Variants in NRG1 observed in about 807,000 individuals in gnomAD.
NRG1 encodes the protein pro-neuregulin-1, membrane-bound isoform.
Under a neutral mutation model 63.8 loss-of-function variants are expected in NRG1, and 18 were observed. That is an observed-to-expected ratio of 0.28 (90% confidence interval 0.19 to 0.42). The LOEUF (loss-of-function observed/expected upper bound fraction) is 0.42. Ranked by LOEUF, NRG1 falls within the 10% of genes least tolerant of loss-of-function variation. The pLI is 1.00. For missense variants in NRG1, 762 were observed against 814.7 expected (o/e 0.94, Z 0.79); for synonymous variants, 302 against 301.3 (o/e 1.00, Z -0.02).
chr8:32,357,369 C>T (rs868065023), intron 1 of NRG1, among the ~76,000 whole-genome samples: 1 of 152,260 alleles, frequency 6.6e-6, no homozygotes, highest in South Asian at 2.1e-4. Context: ...GAGAAGATAA[C>T]GTTAGCAGAC....
intron 1 of NRG1, among the ~76,000 whole-genome samples, chr8:32,275,766 T>G (rs1186872561): frequency 6.6e-6 from 1 of 151,912 alleles, no homozygotes; most frequent in Non-Finnish European, 1.5e-5. Context: ...TTAGAAGATC[T>G]GCGGCAGGCC....
At chr8:32,017,916 C>T (rs900483953) in intron 1 of NRG1, among the ~76,000 whole-genome samples, 3 of 152,256 alleles carry the variant, frequency 2.0e-5, no homozygotes, top group African/African-American at 7.2e-5. Context: ...AGCCTGTCTC[C>T]CATCCCTGGA....
chr8:32,029,879 A>G (rs1397620689), intron 1 of NRG1, among the ~76,000 whole-genome samples: 1 of 152,026 alleles, frequency 6.6e-6, no homozygotes, highest in Non-Finnish European at 1.5e-5. Flanking sequence ...TAAAATTCTG[A>G]TATAATCTAA....
intron 1 of NRG1, among the ~76,000 whole-genome samples, chr8:32,578,435 C>T (rs532044207): frequency 2.0e-5 from 3 of 151,796 alleles, no homozygotes; most frequent in East Asian, 1.9e-4. Flanking sequence ...CATTAACACA[C>T]GCTGGCAGAA....
intron 1 of NRG1, among the ~76,000 whole-genome samples, chr8:32,270,029 C>T (rs555176073): frequency 7.9e-5 from 12 of 152,240 alleles, no homozygotes; most frequent in South Asian, 2.1e-4. Context: ...AATACCTACA[C>T]GTAACCATCC....
At chr8:32,341,229 T>A (rs1804035781) in intron 1 of NRG1, among the ~76,000 whole-genome samples, 1 of 152,210 alleles carries the variant, frequency 6.6e-6, no homozygotes, top group Non-Finnish European at 1.5e-5. Context: ...TCTCTTATAA[T>A]GAGTCATGTT....
At chr8:31,766,314 A>T (rs781181145) in intron 1 of NRG1, among the ~76,000 whole-genome samples, 3 of 152,190 alleles carry the variant, frequency 2.0e-5, no homozygotes, top group Non-Finnish European at 4.4e-5. Context: ...TGTCGTAGAT[A>T]AGTGTCTTCA....
At chr8:32,092,327 T>C (rs1262605237) in intron 1 of NRG1, among the ~76,000 whole-genome samples, 1 of 151,580 alleles carries the variant, frequency 6.6e-6, no homozygotes, top group Non-Finnish European at 1.5e-5. Context: ...CCTGGTGGTG[T>C]GTGCTTGTAG....
intron 1 of NRG1, among the ~76,000 whole-genome samples, chr8:31,791,821 G>A (rs913387663): frequency 6.6e-6 from 1 of 152,142 alleles, no homozygotes. Flanking sequence ...AATACAGTGG[G>A]AGATGAAGAA....
chr8:31,788,870 A>T (rs1423838163), intron 1 of NRG1, among the ~76,000 whole-genome samples: 1 of 152,222 alleles, frequency 6.6e-6, no homozygotes, highest in African/African-American at 2.4e-5. Flanking sequence ...TAGCACAGAC[A>T]ATCTGTCTCT....
intron 5 of NRG1, among the ~76,000 whole-genome samples, chr8:32,670,131 T>C (rs1431622198): frequency 6.6e-6 from 1 of 152,202 alleles, no homozygotes; most frequent in Non-Finnish European, 1.5e-5. Flanking sequence ...TCACTTTTAA[T>C]TAAAACATAT....
At chr8:31,940,180 C>T (rs73582434) in intron 1 of NRG1, among the ~76,000 whole-genome samples, 5,425 of 152,102 alleles carry the variant, frequency 0.036, 351 homozygotes, top group African/African-American at 0.12. Flanking sequence ...AATTTAAGAA[C>T]ATTGAAATTA....
intron 1 of NRG1, among the ~76,000 whole-genome samples, chr8:32,413,403 G>A (rs1013854021): frequency 2.0e-5 from 3 of 152,086 alleles, no homozygotes; most frequent in African/African-American, 7.2e-5. Flanking sequence ...CTGTATGCTC[G>A]ATGAGACCCT....
At chr8:31,733,973 C>T (rs1448288118) in intron 1 of NRG1, among the ~76,000 whole-genome samples, 1 of 152,146 alleles carries the variant, frequency 6.6e-6, no homozygotes, top group Non-Finnish European at 1.5e-5. Flanking sequence ...TTACACAATG[C>T]TACTCTAATA....
At chr8:31,690,624 C>T (rs571543567) in intron 1 of NRG1, among the ~76,000 whole-genome samples, 54 of 148,132 alleles carry the variant, frequency 3.6e-4, no homozygotes, top group Middle Eastern at 3.6e-3. Context: ...GCAATGAACG[C>T]GATGTAAACT....
At chr8:32,299,466 A>G (rs1032080773) in intron 1 of NRG1, among the ~76,000 whole-genome samples, 6 of 152,168 alleles carry the variant, frequency 3.9e-5, no homozygotes, top group Non-Finnish European at 7.3e-5. Flanking sequence ...CTTATAAAGC[A>G]CCTCATTTTG....
intron 1 of NRG1, among the ~76,000 whole-genome samples, chr8:32,585,645 C>T (rs1841479221): frequency 6.6e-6 from 1 of 152,120 alleles, no homozygotes; most frequent in Non-Finnish European, 1.5e-5. Context: ...TAGACAGCTG[C>T]ATAGTTCAAA....
intron 1 of NRG1, among the ~76,000 whole-genome samples, chr8:32,252,203 G>C (rs963994136): frequency 1.3e-5 from 2 of 152,078 alleles, no homozygotes; most frequent in Non-Finnish European, 2.9e-5. Flanking sequence ...AGTTTAATTA[G>C]ATCCTGTTCA....
chr8:32,177,685 T>A (rs1423398575), intron 1 of NRG1, among the ~76,000 whole-genome samples: 1 of 151,966 alleles, frequency 6.6e-6, no homozygotes, highest in Non-Finnish European at 1.5e-5. Flanking sequence ...CGGATGATTA[T>A]ACTTAAATAT....
Sources: allele counts gnomAD v4.1 joint callset (sites outside exome capture counted in the v4.1 genomes callset), GRCh38; gene constraint gnomAD v4.1.1; transcripts MANE v1.5; gene names NCBI Gene and HGNC (gene_info 2026-07-23, HGNC 2026-07-21).